The following MAML2 variants were observed in gnomAD, a reference collection of about 807,000 sequenced individuals.
MAML2 encodes mastermind like transcriptional coactivator 2.
In MAML2, 22 loss-of-function variants were observed where a neutral mutation model predicts 96.1. The ratio of observed to expected loss-of-function variants is 0.23; its 90% confidence interval spans 0.16 to 0.33. The LOEUF is 0.33. MAML2 is among the 10% of genes least tolerant of loss of function. The pLI is 1.00. For synonymous variants in MAML2, 561 were observed against 521.3 expected, an observed-to-expected ratio of 1.08 and a Z score of -1.04; for missense variants, 1,367 against 1,392.4, an observed-to-expected ratio of 0.98 and a Z score of 0.29.
intron 1 of MAML2, among the ~76,000 whole-genome samples, chr11:96,112,886 C>G (rs532230608): frequency 1.3e-5 from 2 of 152,292 alleles, no homozygotes; most frequent in Middle Eastern, 3.4e-3. Flanking sequence ...AGTGTGAGGG[C>G]CACTTGGTCA....
intron 1 of MAML2, among the ~76,000 whole-genome samples, chr11:96,149,167 A>G (rs973067570): frequency 1.3e-5 from 2 of 152,024 alleles, no homozygotes; most frequent in Admixed American, 1.3e-4. Flanking sequence ...TAATCTCAGA[A>G]CTTTGGGAGG....
At chr11:96,178,686 C>T (rs574911706) in intron 1 of MAML2, among the ~76,000 whole-genome samples, 17 of 152,286 alleles carry the variant, frequency 1.1e-4, no homozygotes, top group Non-Finnish European at 1.8e-4. Flanking sequence ...TAAAAACATA[C>T]GCAGCTGCAG....
intron 1 of MAML2, among the ~76,000 whole-genome samples, chr11:96,257,017 A>G (rs1432907231): frequency 6.6e-6 from 1 of 152,214 alleles, no homozygotes. Context: ...TATATTGAAA[A>G]CAGGGATTAC....
In MAML2 at chr11:95,979,567, C is replaced by T. The variant is rs1390197904; in HGVS notation, c.2852G>A (p.Arg951Lys). 6.2e-7 allele frequency: 1 copy of T among 1,613,828 alleles called. No individual in the cohort carries two copies. Among genetic ancestry groups the T allele is most frequent in the East Asian group, 2.2e-5 (1 of 44,878 alleles). Residue 951 changes from arginine (R) to lysine (K), a missense_variant, in exon 5 of 5, where the codon AGA becomes AAA. Arg to Lys is a conservative substitution (Grantham distance 26). Transcript: ENST00000524717. The stretch of plus-strand genomic sequence containing the variant: ...GGATGTGATCATTACGTTTGATGTT[C>T]TCTGTGGTGGCATGCTTGCCATACT... ...THSMASMPPQRTSNVMITSNT... is the reference protein window; with the variant it reads ...THSMASMPPQKTSNVMITSNT...
In MAML2 at chr11:96,109,644, G is replaced by C. The variant is rs374988493; in HGVS notation, c.514-16127C>G. 5.9e-5 allele frequency among the ~76,000 whole-genome samples: 9 copies of C among 152,330 alleles called. No homozygotes were observed. The South Asian group carries it at 1.2e-3, about 21-fold the overall frequency. The stretch of plus-strand genomic sequence containing the variant: ...AATACAAATTTCCGGATTAGTGACT[G>C]GGTAGATGATGGAGTTATTTGCTGC... On this transcript the variant is annotated intron_variant, in intron 1 of 4. Transcript: ENST00000524717.
chr11:96,175,944 A>G (rs1861380771), intron 1 of MAML2, among the ~76,000 whole-genome samples: 1 of 152,220 alleles, frequency 6.6e-6, no homozygotes, highest in African/African-American at 2.4e-5. Flanking sequence ...AATGCAAAAT[A>G]TAGGTTGCCT....
chr11:96,102,111 C>T (rs1341553323), intron 1 of MAML2, among the ~76,000 whole-genome samples: 1 of 152,168 alleles, frequency 6.6e-6, no homozygotes, highest in Non-Finnish European at 1.5e-5. Flanking sequence ...ACCATCTCTA[C>T]TAAAGACACA....
intron 1 of MAML2, among the ~76,000 whole-genome samples, chr11:96,339,060 C>T (rs1212189324): frequency 1.3e-5 from 2 of 152,164 alleles, no homozygotes; most frequent in East Asian, 1.9e-4. Flanking sequence ...TCCAACAACC[C>T]GTGCAATGCC....
intron 2 of MAML2, among the ~76,000 whole-genome samples, chr11:96,004,914 C>T (rs945343068): frequency 8.5e-5 from 13 of 152,116 alleles, no homozygotes; most frequent in African/African-American, 2.9e-4. Flanking sequence ...GAGGTGAGCC[C>T]TTATGGGAGG....
chr11:96,196,662 C>T (rs1470786672), intron 1 of MAML2, among the ~76,000 whole-genome samples: 1 of 152,210 alleles, frequency 6.6e-6, no homozygotes, highest in Non-Finnish European at 1.5e-5. Context: ...GTCTGTATTA[C>T]TTCTCGGCTG....
intron 1 of MAML2, among the ~76,000 whole-genome samples, chr11:96,314,071 TG>T (rs1260406343): frequency 6.6e-6 from 1 of 152,156 alleles, no homozygotes; most frequent in Non-Finnish European, 1.5e-5. Flanking sequence ...GGCAGGGATA[TG>T]AAAAAGGAAA....
chr11:96,031,335 T>TTGTGTGTG (rs10596374), intron 2 of MAML2, among the ~76,000 whole-genome samples: 1 of 150,236 alleles, frequency 6.7e-6, no homozygotes, highest in Non-Finnish European at 1.5e-5. Flanking sequence ...ATTTAACAGT[T>TTGTGTGTG]TGTGTGTGTG....
At position 96,342,776 on chromosome 11, in the gene MAML2, G is replaced by T; in HGVS notation, c.-881C>A. The T allele has an allele frequency of 3.2e-6, 1 of 314,032 alleles. No homozygotes were observed. Among genetic ancestry groups the T allele is most frequent in the Non-Finnish European group, 5.8e-6 (1 of 172,848 alleles). The allele number at this position is 314,032 out of a possible 1,614,324, so 19.5% of individuals were successfully genotyped here. A position where few individuals can be genotyped will look rare whatever the true frequency, so the allele number is the denominator to read the frequency against. On this transcript the variant is annotated 5_prime_UTR_variant, in exon 1 of 5. Coordinates refer to ENST00000524717, the MANE Select transcript of MAML2 (RefSeq NM_032427.4). ...AAGCAATCTTAAGTCGCTAGCCACT[G>T]AGAGAGATCCTTCAACACATTTTTT...
intron 1 of MAML2, among the ~76,000 whole-genome samples, chr11:96,146,554 CAACTGTGTG>C (rs1860825197): frequency 6.6e-6 from 1 of 152,158 alleles, no homozygotes; most frequent in African/African-American, 2.4e-5. Flanking sequence ...TCAGCATCTT[CAACTGTGTG>C]AGCTGATCAC....
intron 1 of MAML2, among the ~76,000 whole-genome samples, chr11:96,157,022 G>A (rs933879994): frequency 6.6e-5 from 10 of 152,188 alleles, no homozygotes; most frequent in African/African-American, 2.4e-4. Flanking sequence ...AAGGCAAAAG[G>A]GTTCAAATTG....
At chr11:95,998,961 A>T (rs192763182) in intron 2 of MAML2, among the ~76,000 whole-genome samples, 57 of 152,268 alleles carry the variant, frequency 3.7e-4, no homozygotes, top group African/African-American at 1.3e-3. Flanking sequence ...GACAATTAGG[A>T]GAACACATGA....
At chr11:96,332,868 A>G (rs1863871654) in intron 1 of MAML2, among the ~76,000 whole-genome samples, 1 of 152,220 alleles carries the variant, frequency 6.6e-6, no homozygotes, top group South Asian at 2.1e-4. Flanking sequence ...AGTAAGACAC[A>G]GTACAGTACA....
intron 1 of MAML2, among the ~76,000 whole-genome samples, chr11:96,304,323 G>A (rs1035809297): frequency 6.6e-6 from 1 of 152,168 alleles, no homozygotes; most frequent in Admixed American, 6.5e-5. Flanking sequence ...CCACAAAAGG[G>A]TTGATGAGGA....
chr11:96,063,438 A>C (rs1246153530), intron 2 of MAML2, among the ~76,000 whole-genome samples: 1 of 152,204 alleles, frequency 6.6e-6, no homozygotes, highest in Non-Finnish European at 1.5e-5. Flanking sequence ...TGGTTCTACT[A>C]TATAAGAACT....
Sources: allele counts gnomAD v4.1 joint callset (sites outside exome capture counted in the v4.1 genomes callset), GRCh38; gene constraint gnomAD v4.1.1; transcripts MANE v1.5; gene names NCBI Gene and HGNC (gene_info 2026-07-23, HGNC 2026-07-21).